AXDND1: variants seen among roughly 807,000 people sequenced by gnomAD.
The protein encoded by AXDND1 is axonemal dynein light chain domain containing 1.
A neutral mutation model predicts 137.5 loss-of-function variants in AXDND1; 110 were observed. The ratio of observed to expected loss-of-function variants is 0.80; its 90% CI spans 0.69 to 0.94. AXDND1 has a LOEUF of 0.94. AXDND1 is among the 40% of genes least tolerant of loss of function. The probability of loss-of-function intolerance (pLI) is 0.00; values close to 1 mark genes in which losing one functional copy is unlikely to be tolerated. For missense variants in AXDND1, 1,191 were observed against 1,169.8 expected, an observed-to-expected ratio of 1.02 and a Z score of -0.26; for synonymous variants, 414 against 399.7, an observed-to-expected ratio of 1.04 and a Z score of -0.43.
chr1:179,369,876 C>G, intron 3 of AXDND1, 99 bp from the exon 4 acceptor site: 1 of 780,608 alleles, frequency 1.3e-6, no homozygotes. Context: ...TACCCAAGTG[C>G]CCTTAATGTA....
Position 179,536,205 on chromosome 1 carries a change from C to T in AXDND1, c.3031+1243C>T, listed in dbSNP as rs568700920. Among the ~76,000 whole-genome samples, 946 of 152,230 alleles carry T rather than the reference C, an allele frequency of 6.2e-3. 11 individuals carry two copies. Among genetic ancestry groups the T allele is most frequent in the African/African-American group, 0.022 (911 of 41,522 alleles). On this transcript the variant is annotated intron_variant, in intron 25 of 25. Transcript: ENST00000367618. ...TAGTTTCTTTTGCTGTGCAGAAGCTCTTTAGTTTAATTAGATCCCATTTGT... is the reference window on the plus strand; with the variant it reads ...TAGTTTCTTTTGCTGTGCAGAAGCTTTTTAGTTTAATTAGATCCCATTTGT...
At chr1:179,449,154 G>A (rs1256864168) in intron 16 of AXDND1, 1 of 454,142 alleles carries the variant, frequency 2.2e-6, no homozygotes, top group Non-Finnish European at 4.4e-6. Context: ...CCAAAGTGCT[G>A]GAATTAGAGG....
At chr1:179,395,528 G>C (rs976376854) in intron 11 of AXDND1, among the ~76,000 whole-genome samples, 3 of 152,276 alleles carry the variant, frequency 2.0e-5, no homozygotes, top group Admixed American at 1.3e-4. Flanking sequence ...ACTGTTTGCT[G>C]TGTGACCTTT....
chr1:179,462,244 T>G (rs1255377348), intron 16 of AXDND1, among the ~76,000 whole-genome samples: 1 of 152,184 alleles, frequency 6.6e-6, no homozygotes, highest in Non-Finnish European at 1.5e-5. Flanking sequence ...TATTGAGAGT[T>G]TTTAACATGA....
intron 9 of AXDND1, among the ~76,000 whole-genome samples, chr1:179,389,298 C>G (rs1280419175): frequency 6.6e-6 from 1 of 152,132 alleles, no homozygotes; most frequent in Non-Finnish European, 1.5e-5. Flanking sequence ...ACTTTTATTT[C>G]TCAAACATTT....
In AXDND1 at chr1:179,445,150, A is replaced by G. The variant is rs2125368344; in HGVS notation, c.1744A>G (p.Lys582Glu). ...SERQYMEEII[K>E]NIQKLYKEYE... is the part of the protein sequence containing the mutation. ...GCGACAGTACATGGAGGAAATTATC[A>G]AAAACATACAAAAACTCTACAAAGA... The change falls in exon 16 of 26, where the codon AAA becomes GAA. Residue 582 changes from lysine (K) to glutamate (E), a missense_variant. Physicochemically the swap from Lys to Glu is moderately conservative, Grantham distance 56. Transcript: ENST00000367618. 2 of 1,610,594 alleles carry G rather than the reference A, an allele frequency of 1.2e-6. No individual in the cohort carries two copies. The highest frequency in any genetic ancestry group is 4.5e-5 in the East Asian group (2 of 44,784).
chr1:179,391,428 G>T (rs954801468), intron 9 of AXDND1, among the ~76,000 whole-genome samples: 1 of 152,004 alleles, frequency 6.6e-6, no homozygotes, highest in Non-Finnish European at 1.5e-5. Flanking sequence ...GAAGGGACCA[G>T]GTAGAGATGG....
chr1:179,453,991 G>A (rs1030756663), intron 16 of AXDND1: 7 of 152,078 alleles, frequency 4.6e-5, no homozygotes, highest in Admixed American at 1.3e-4. Flanking sequence ...AGAAAGGACT[G>A]GTCTTGTTTC....
intron 25 of AXDND1, chr1:179,551,067 A>T (rs578161646): frequency 7.1e-7 from 1 of 1,407,682 alleles, no homozygotes; most frequent in South Asian, 1.2e-5. Context: ...TGGCCATTCC[A>T]TATGGCAACC....
chr1:179,425,287 T>C (rs980778132), intron 12 of AXDND1, among the ~76,000 whole-genome samples: 1 of 152,194 alleles, frequency 6.6e-6, no homozygotes, highest in Admixed American at 6.5e-5. Flanking sequence ...CTACCCTTCC[T>C]ATGTAGGGGA....
chr1:179,478,444 A>T (rs1471482181), intron 17 of AXDND1, among the ~76,000 whole-genome samples: 3 of 152,126 alleles, frequency 2.0e-5, no homozygotes, highest in Non-Finnish European at 4.4e-5. Context: ...TACCATGTGG[A>T]TGCTGCCATG....
At chr1:179,428,360 C>G (rs1656880923) in intron 12 of AXDND1, among the ~76,000 whole-genome samples, 1 of 152,208 alleles carries the variant, frequency 6.6e-6, no homozygotes, top group South Asian at 2.1e-4. Context: ...TAGATCATCC[C>G]TAGAGTCCCT....
chr1:179,480,750 C>T (rs1665267065), intron 17 of AXDND1, among the ~76,000 whole-genome samples: 1 of 151,868 alleles, frequency 6.6e-6, no homozygotes, highest in African/African-American at 2.4e-5. Flanking sequence ...TATTAAGACT[C>T]TGATCTTGCT....
intron 16 of AXDND1, among the ~76,000 whole-genome samples, chr1:179,463,443 T>C (rs549760596): frequency 1.3e-5 from 2 of 152,364 alleles, no homozygotes; most frequent in South Asian, 4.1e-4. Context: ...GTGAGTTTCT[T>C]AATCCTGAGT....
In AXDND1 at chr1:179,371,319, T is replaced by C. The variant is rs151006235; in HGVS notation, c.374+1241T>C. Reference sequence around the variant, plus strand: ...GGCGCACACCTGTAATCCCAGCTACTTGGGAGGCTAACGCAGGAGAATTGC... The same window carrying C: ...GGCGCACACCTGTAATCCCAGCTACCTGGGAGGCTAACGCAGGAGAATTGC... On this transcript the variant is annotated intron_variant, in intron 4 of 25. Transcript: ENST00000367618. Among the ~76,000 whole-genome samples the C allele has an allele frequency of 4.0e-3, 611 of 152,114 alleles. 8 individuals carry two copies. The highest frequency in any genetic ancestry group is 0.014 in the African/African-American group (592 of 41,502).
chr1:179,404,212 CT>C (rs1652564651), intron 11 of AXDND1, among the ~76,000 whole-genome samples: 1 of 141,528 alleles, frequency 7.1e-6, no homozygotes, highest in South Asian at 2.2e-4. Context: ...CATCTGTGAG[CT>C]TTTTCTTTGT....
intron 23 of AXDND1, among the ~76,000 whole-genome samples, chr1:179,533,259 T>A (rs143941085): frequency 1.9e-4 from 29 of 152,280 alleles, no homozygotes; most frequent in African/African-American, 5.5e-4. Context: ...TTATATAGAG[T>A]CAAAATAAAT....
intron 16 of AXDND1, among the ~76,000 whole-genome samples, chr1:179,460,511 G>C (rs967958737): frequency 2.0e-5 from 3 of 152,090 alleles, no homozygotes; most frequent in Admixed American, 1.3e-4. Flanking sequence ...AATAAACGTA[G>C]GTGTGCATGT....
intron 9 of AXDND1, among the ~76,000 whole-genome samples, chr1:179,386,094 C>T (rs1056339593): frequency 2.0e-5 from 3 of 146,390 alleles, no homozygotes; most frequent in East Asian, 4.0e-4. Context: ...CTCTGTCGCC[C>T]AGGCTGGAGT....
Sources: gnomAD v4.1 joint callset for allele counts (sites outside exome capture counted in the v4.1 genomes callset) on GRCh38, gnomAD v4.1.1 for gene constraint, MANE v1.5 for transcripts, NCBI Gene and HGNC (gene_info 2026-07-23, HGNC 2026-07-21) for gene names.